The following ZDHHC17 variants were observed in gnomAD, a reference collection of about 807,000 sequenced individuals.
ZDHHC17 encodes palmitoyltransferase ZDHHC17.
Under a neutral mutation model 90.3 loss-of-function variants are expected in ZDHHC17, and 40 were observed. That is an observed-to-expected ratio of 0.44 (90% CI 0.34 to 0.58). ZDHHC17 has a LOEUF of 0.58. Among genes scored for constraint, ZDHHC17 ranks in the 20% least tolerant of loss-of-function variants. The pLI is 0.01. For missense variants in ZDHHC17, 614 were observed against 780.8 expected (o/e 0.79, Z 2.55); for synonymous variants, 235 against 252.4 (o/e 0.93, Z 0.65).
Position 76,822,401 on chromosome 12 carries a change from A to G in ZDHHC17, c.772-5A>G. On this transcript the variant is annotated splice_polypyrimidine_tract_variant and splice_region_variant and intron_variant, in intron 7 of 16. Transcript: ENST00000426126. The stretch of plus-strand genomic sequence containing the variant: ...AATAGGAATTTCTTCTGTTTATATT[A>G]TCAGGGCGAATCAGCGCTTGATTTG... 2 of 1,612,694 alleles carry G rather than the reference A, an allele frequency of 1.2e-6. No individual in the cohort carries two copies. Among genetic ancestry groups the G allele is most frequent in the Non-Finnish European group, 1.7e-6 (2 of 1,178,860 alleles).
chr12:76,788,688 A>ATTTTTTTTTT lies in ZDHHC17; in HGVS notation c.94-8729_94-8720dup, dbSNP rs763269507. On this transcript the variant is annotated intron_variant, in intron 1 of 16. Coordinates refer to ENST00000426126, the MANE Select transcript of ZDHHC17 (RefSeq NM_015336.4). ...AAAATATATTTAAGTTGGAATCGCA[A>ATTTTTTTTTT]TTTTTTTTTTTTTTTTTTTTTTTTT... 4.2e-3 allele frequency among the ~76,000 whole-genome samples: 414 copies of ATTTTTTTTTT among 98,646 alleles called. 38 individuals carry two copies. Among genetic ancestry groups the ATTTTTTTTTT allele is most frequent in the Middle Eastern group, 8.6e-3 (1 of 116 alleles). 64.7% of individuals were successfully genotyped at this position (98,646 alleles called of 152,430 possible). A position where few individuals can be genotyped will look rare whatever the true frequency, so the allele number is the denominator to read the frequency against.
At chr12:76,810,165 C>T (rs1953002398) in intron 5 of ZDHHC17, among the ~76,000 whole-genome samples, 1 of 152,016 alleles carries the variant, frequency 6.6e-6, no homozygotes, top group South Asian at 2.1e-4. Flanking sequence ...AATATATCAT[C>T]TGAATTCATC....
intron 1 of ZDHHC17, chr12:76,781,501 A>T: frequency 4.9e-6 from 2 of 408,108 alleles, no homozygotes; most frequent in Non-Finnish European, 4.9e-6. Context: ...TGAATGGATT[A>T]ATGTCCTTAT....
chr12:76,781,509 T>C (rs969665978), intron 1 of ZDHHC17: 2 of 421,590 alleles, frequency 4.7e-6, no homozygotes, highest in East Asian at 7.0e-5. Context: ...TTAATGTCCT[T>C]ATCAAGAGAG....
chr12:76,771,526 A>AT (rs891949315), intron 1 of ZDHHC17, among the ~76,000 whole-genome samples: 80 of 152,254 alleles, frequency 5.3e-4, no homozygotes, highest in African/African-American at 1.9e-3. Flanking sequence ...TACCTGAGAC[A>AT]TTTTTTGTGT....
chr12:76,787,266 G>A (rs1952698073), intron 1 of ZDHHC17, among the ~76,000 whole-genome samples: 1 of 152,098 alleles, frequency 6.6e-6, no homozygotes, highest in South Asian at 2.1e-4. Context: ...TCATCAACTA[G>A]GAGATACATA....
At chr12:76,845,513 TTTA>T in intron 12 of ZDHHC17, 193 bp from the exon 13 acceptor site, 1 of 298,480 alleles carries the variant, frequency 3.4e-6, no homozygotes. Flanking sequence ...GCCTCATTCT[TTTA>T]TTCTTTGTTT....
In ZDHHC17 at chr12:76,822,550, ATTTTTTT is replaced by A. The variant is rs10618043; in HGVS notation, c.897+34_897+40del. The A allele has an allele frequency of 4.9e-5, 60 of 1,215,376 alleles. No individual in the cohort carries two copies. The highest frequency in any genetic ancestry group is 5.9e-5 in the Admixed American group (2 of 33,872). 75.3% of individuals were successfully genotyped at this position (1,215,376 alleles called of 1,614,324 possible). A position where few individuals can be genotyped will look rare whatever the true frequency, so the allele number is the denominator to read the frequency against. Reference sequence around the variant, plus strand: ...TGATAAGGTAAACTCATAACTGAAGATTTTTTTTTTTTTTTTTTTTTGAGACGGAGTT... The same window carrying A: ...TGATAAGGTAAACTCATAACTGAAGATTTTTTTTTTTTTTGAGACGGAGTT... On this transcript the variant is annotated intron_variant, in intron 8 of 16. Coordinates refer to ENST00000426126, the MANE Select transcript of ZDHHC17 (RefSeq NM_015336.4).
At chr12:76,846,859 T>A (rs1208832902) in intron 14 of ZDHHC17, among the ~76,000 whole-genome samples, 180 bp downstream of exon 14, 2 of 152,214 alleles carry the variant, frequency 1.3e-5, no homozygotes, top group African/African-American at 2.4e-5. Flanking sequence ...CAATATACAG[T>A]GTAAGCAAAC....
chr12:76,778,474 C>T (rs113296390), intron 1 of ZDHHC17, among the ~76,000 whole-genome samples: 1 of 152,150 alleles, frequency 6.6e-6, no homozygotes. Flanking sequence ...CTGCCTGCCT[C>T]GGCCTCCCAG....
At chr12:76,765,300 G>C (rs1318869301) in intron 1 of ZDHHC17, among the ~76,000 whole-genome samples, 1 of 152,190 alleles carries the variant, frequency 6.6e-6, no homozygotes, top group Non-Finnish European at 1.5e-5. Flanking sequence ...ATTTGGGTTT[G>C]TACCATGCCA....
chr12:76,794,943 A>C (rs1224839227), intron 1 of ZDHHC17, among the ~76,000 whole-genome samples: 2 of 152,170 alleles, frequency 1.3e-5, no homozygotes, highest in Non-Finnish European at 2.9e-5. Flanking sequence ...GCACATTTTC[A>C]AAGTTTTTTC....
intron 1 of ZDHHC17, among the ~76,000 whole-genome samples, chr12:76,788,375 T>C (rs1952716596): frequency 6.6e-6 from 1 of 152,140 alleles, no homozygotes; most frequent in Non-Finnish European, 1.5e-5. Flanking sequence ...ACTGAAAATA[T>C]TTCATGAATA....
intron 1 of ZDHHC17, among the ~76,000 whole-genome samples, chr12:76,776,616 A>G (rs934464894): frequency 3.9e-5 from 6 of 152,156 alleles, no homozygotes; most frequent in African/African-American, 1.4e-4. Context: ...CTGGACCTGC[A>G]TTGTTCAATG....
At chr12:76,835,292 C>G (rs1297693754) in intron 10 of ZDHHC17, among the ~76,000 whole-genome samples, 1 of 152,066 alleles carries the variant, frequency 6.6e-6, no homozygotes, top group African/African-American at 2.4e-5. Context: ...CTCAAGTGAT[C>G]TACCTGCTGT....
chr12:76,813,423 G>A lies in ZDHHC17; in HGVS notation c.544-1723G>A, dbSNP rs576188311. The A allele has an allele frequency of 1.8e-5, 8 of 434,284 alleles. No individual in the cohort carries two copies. The East Asian group carries it at 6.0e-4, about 32-fold the overall frequency. 26.9% of individuals were successfully genotyped at this position (434,284 alleles called of 1,614,324 possible). The stretch of plus-strand genomic sequence containing the variant: ...CAGAAATGGATTTGTAATGGATAAG[G>A]CATAACATTCTATGACAGTATGCAT... On this transcript the variant is annotated intron_variant, in intron 5 of 16. Coordinates refer to ENST00000426126, the MANE Select transcript of ZDHHC17 (RefSeq NM_015336.4).
intron 10 of ZDHHC17, among the ~76,000 whole-genome samples, chr12:76,831,703 G>A (rs1477293419): frequency 1.3e-5 from 2 of 152,098 alleles, no homozygotes; most frequent in African/African-American, 4.8e-5. Context: ...CTGGAGTGCA[G>A]TGGCACAATC....
At chr12:76,803,395 ATGAATCATTCCTCTTGCC>A (rs571221707) in intron 2 of ZDHHC17, among the ~76,000 whole-genome samples, 236 of 152,322 alleles carry the variant, frequency 1.5e-3, no homozygotes, top group Admixed American at 2.7e-3. Flanking sequence ...TGTAGGGAAT[ATGAATCATTCCTCTTGCC>A]TCTCTAGGCA....
At chr12:76,764,593 T>C (rs990616136) in intron 1 of ZDHHC17, 19 of 554,600 alleles carry the variant, frequency 3.4e-5, no homozygotes, top group African/African-American at 1.9e-4. Flanking sequence ...ATGGTTCTGC[T>C]GTGTCGCCGC....
Sources: gnomAD v4.1 joint callset for allele counts (sites outside exome capture counted in the v4.1 genomes callset) on GRCh38, gnomAD v4.1.1 for gene constraint, MANE v1.5 for transcripts, NCBI Gene and HGNC (gene_info 2026-07-23, HGNC 2026-07-21) for gene names.